The following OR3A2 variants were observed in gnomAD, a reference collection of about 807,000 sequenced individuals.
OR3A2 encodes the protein olfactory receptor family 3 subfamily A member 2, also known as olfactory receptor 3A2.
For missense variants in OR3A2, 318 were observed against 392.8 expected (o/e 0.81, Z 1.61); for synonymous variants, 126 against 159.3 (o/e 0.79, Z 1.57).
chr17:3,340,629 G>C (rs868005786), intron 2 of OR3A2, among the ~76,000 whole-genome samples: 12 of 151,534 alleles, frequency 7.9e-5, no homozygotes, highest in East Asian at 3.9e-4. Context: ...TGTGGTCAGA[G>C]AGTTTGTTGT....
rs538785838 is a variant in OR3A2 at position 3,304,661 on chromosome 17, G to A, written c.-84-25508C>T. ...AATACAATTTCCCAAAACTGTTTAC[G>A]AAGAAAAAGAAAATTTAAACAGAAC... On this transcript the variant is annotated intron_variant, in intron 3 of 4. Transcript: ENST00000573491. Among the ~76,000 whole-genome samples the A allele has an allele frequency of 7.2e-5, 11 of 152,284 alleles. No individual in the cohort carries two copies. In the East Asian group the frequency reaches 1.7e-3, roughly 24 times the overall value.
intron 2 of OR3A2, among the ~76,000 whole-genome samples, chr17:3,360,069 C>T (rs1293220939): frequency 6.6e-6 from 1 of 151,816 alleles, no homozygotes; most frequent in Admixed American, 6.6e-5. Context: ...TCTCCACATC[C>T]TCTCCAGCAC....
At chr17:3,325,187 T>C (rs2049160852) in intron 3 of OR3A2, among the ~76,000 whole-genome samples, 3 of 151,308 alleles carry the variant, frequency 2.0e-5, no homozygotes, top group Admixed American at 1.3e-4. Context: ...ACAGCTTGTG[T>C]TCAAAGATCC....
At chr17:3,338,121 A>C (rs1223705150) in intron 2 of OR3A2, among the ~76,000 whole-genome samples, 1 of 150,918 alleles carries the variant, frequency 6.6e-6, no homozygotes, top group Non-Finnish European at 1.5e-5. Flanking sequence ...TGATGGGGTT[A>C]ATTTTTTTCT....
intron 2 of OR3A2, among the ~76,000 whole-genome samples, chr17:3,371,643 C>A (rs2049623128): frequency 1.6e-5 from 2 of 127,674 alleles, no homozygotes; most frequent in African/African-American, 3.0e-5. Context: ...GTAGGGGAGG[C>A]CGGGCAGAGG....
chr17:3,278,852 T>G, exon 2 of OR3A2: 1 of 1,532,514 alleles, frequency 6.5e-7, no homozygotes, highest in Non-Finnish European at 8.8e-7. Context: ...TCTCTTCTGT[T>G]TGCACTAGGC....
chr17:3,292,300 C>T, intron 3 of OR3A2: 3 of 1,614,164 alleles, frequency 1.9e-6, no homozygotes, highest in Non-Finnish European at 1.7e-6. Context: ...CCACAGGGAA[C>T]TGCACGCTTG....
chr17:3,279,207 G>A, intron 1 of OR3A2, 54 bp from the exon 4 acceptor site: 1 of 514,502 alleles, frequency 1.9e-6, no homozygotes, highest in Non-Finnish European at 3.4e-6. Context: ...CAGGATTTTT[G>A]CTGAGTAGAT....
chr17:3,374,094 A>G (rs2049658111), intron 2 of OR3A2, among the ~76,000 whole-genome samples: 1 of 152,130 alleles, frequency 6.6e-6, no homozygotes, highest in Non-Finnish European at 1.5e-5. Flanking sequence ...CTTGGCTGAT[A>G]ATTTTGTTCA....
chr17:3,361,730 G>T (rs1597358436), intron 2 of OR3A2, among the ~76,000 whole-genome samples: 1 of 151,630 alleles, frequency 6.6e-6, no homozygotes, highest in Non-Finnish European at 1.5e-5. Flanking sequence ...ATTGATTTGT[G>T]TATGTTGAAC....
chr17:3,342,146 A>G (rs2049324225), intron 2 of OR3A2, among the ~76,000 whole-genome samples: 1 of 152,080 alleles, frequency 6.6e-6, no homozygotes, highest in Non-Finnish European at 1.5e-5. Flanking sequence ...TACACTGTTT[A>G]TTCTAGTTAG....
intron 2 of OR3A2, among the ~76,000 whole-genome samples, chr17:3,373,400 CCTA>C (rs1349234878): frequency 6.6e-6 from 1 of 152,126 alleles, no homozygotes; most frequent in East Asian, 1.9e-4. Flanking sequence ...ACTGAAGTCC[CCTA>C]CTATTACTGT....
upstream of OR3A2, among the ~76,000 whole-genome samples, chr17:3,288,924 A>G (rs1275508710): frequency 1.3e-5 from 2 of 152,244 alleles, no homozygotes; most frequent in Non-Finnish European, 2.9e-5. Context: ...TAGGAACTAA[A>G]TTACATCAAT....
At chr17:3,352,069 A>G (rs1736698319) in intron 2 of OR3A2, among the ~76,000 whole-genome samples, 1 of 152,016 alleles carries the variant, frequency 6.6e-6, no homozygotes. Context: ...AGAAATATCT[A>G]TTCTAATCTT....
intron 3 of OR3A2, among the ~76,000 whole-genome samples, chr17:3,293,660 A>G (rs2048895829): frequency 6.6e-6 from 1 of 152,212 alleles, no homozygotes; most frequent in African/African-American, 2.4e-5. Context: ...GAATGTTGCC[A>G]ATGAACATAT....
At chr17:3,377,988 A>G (rs2150668148) in intron 2 of OR3A2, among the ~76,000 whole-genome samples, 1 of 152,334 alleles carries the variant, frequency 6.6e-6, no homozygotes, top group East Asian at 1.9e-4. Flanking sequence ...AAATGAAAAC[A>G]TAACAAGGAG....
chr17:3,364,043 C>G (rs1277476299), intron 2 of OR3A2, among the ~76,000 whole-genome samples: 1 of 152,108 alleles, frequency 6.6e-6, no homozygotes, highest in East Asian at 1.9e-4. Flanking sequence ...GACACAAAGC[C>G]AAACCATATC....
intron 3 of OR3A2, among the ~76,000 whole-genome samples, chr17:3,329,397 T>C (rs1042840352): frequency 1.3e-5 from 2 of 150,726 alleles, no homozygotes; most frequent in African/African-American, 4.9e-5. Context: ...GCTCCCGTTA[T>C]TGGTCTATTC....
rs138768418 is a variant in OR3A2, at chr17:3,291,793, G to A, written c.-84-12640C>T. On this transcript the variant is annotated intron_variant, in intron 3 of 4. Transcript: ENST00000573491. ...TCTGAAAGCTTGGTTGAACCCAGTC[G>A]CATATAGTTAAAGATACCTGAACCA... 117 of 1,613,708 alleles carry A rather than the reference G, an allele frequency of 7.3e-5. 1 individual carries two copies. The East Asian group carries it at 1.9e-3, about 26-fold the overall frequency.
Sources: allele counts gnomAD v4.1 joint callset (sites outside exome capture counted in the v4.1 genomes callset), GRCh38; gene constraint gnomAD v4.1.1; transcripts MANE v1.5; gene names NCBI Gene and HGNC (gene_info 2026-07-23, HGNC 2026-07-21).